MAML3: variants seen among roughly 807,000 people sequenced by gnomAD.
The protein encoded by MAML3 is mastermind-like protein 3.
In MAML3, 27 loss-of-function variants were observed where a neutral mutation model predicts 101.9. The observed-to-expected ratio is 0.27, with a 90% confidence interval of 0.20 to 0.37. MAML3 has a LOEUF of 0.37. Among genes scored for constraint, MAML3 ranks in the 10% least tolerant of loss-of-function variants. The probability of loss-of-function intolerance (pLI) is 1.00; values close to 1 mark genes in which losing one functional copy is unlikely to be tolerated. For synonymous variants in MAML3, 501 were observed against 555.9 expected, an observed-to-expected ratio of 0.90 and a Z score of 1.39; for missense variants, 1,316 against 1,444.9, an observed-to-expected ratio of 0.91 and a Z score of 1.45.
intron 1 of MAML3, among the ~76,000 whole-genome samples, chr4:140,043,344 T>C (rs1408169987): frequency 2.0e-5 from 3 of 152,224 alleles, no homozygotes; most frequent in African/African-American, 7.2e-5. Flanking sequence ...TCAATCTGTT[T>C]TCCTATATTT....
At chr4:140,152,808 A>ACCC in intron 1 of MAML3, 52 bp downstream of exon 1, 2 of 1,466,236 alleles carry the variant, frequency 1.4e-6, no homozygotes, top group Admixed American at 2.0e-5. Context: ...GCCCCCCACC[A>ACCC]CCACCACCAC....
intron 2 of MAML3, among the ~76,000 whole-genome samples, chr4:139,745,611 TCTC>T (rs1297933182): frequency 3.3e-5 from 5 of 152,154 alleles, no homozygotes; most frequent in African/African-American, 1.2e-4. Context: ...CCCACTCATT[TCTC>T]TTCTCTATTA....
intron 1 of MAML3, among the ~76,000 whole-genome samples, chr4:140,143,896 A>G (rs753225283): frequency 6.6e-6 from 1 of 152,192 alleles, no homozygotes; most frequent in Non-Finnish European, 1.5e-5. Context: ...ACTTCTTCCC[A>G]GGCATCCTTC....
intron 1 of MAML3, among the ~76,000 whole-genome samples, chr4:139,972,810 AAAAT>A (rs1471701462): frequency 1.3e-5 from 2 of 152,272 alleles, no homozygotes; most frequent in African/African-American, 4.8e-5. Context: ...CTTAAGTATG[AAAAT>A]AAATGAATGA....
At chr4:139,798,296 C>T (rs937693191) in intron 2 of MAML3, among the ~76,000 whole-genome samples, 2 of 152,178 alleles carry the variant, frequency 1.3e-5, no homozygotes, top group Non-Finnish European at 1.5e-5. Flanking sequence ...CCATATGAAA[C>T]TGCTATTTTT....
chr4:140,073,737 T>C lies in MAML3; in HGVS notation c.468+79123A>G, dbSNP rs537672381. ...ATATGTTGCTTTTTGCAACTCATTTTAGTGCCTTGATTGGAAAGTTCTGAG... is the reference window on the plus strand; with the variant it reads ...ATATGTTGCTTTTTGCAACTCATTTCAGTGCCTTGATTGGAAAGTTCTGAG... On this transcript the variant is annotated intron_variant, in intron 1 of 4. Transcript: ENST00000509479. Among the ~76,000 whole-genome samples the C allele has an allele frequency of 6.2e-4, 94 of 152,208 alleles. 1 individual carries two copies. Among genetic ancestry groups the C allele is most frequent in the Non-Finnish European group, 9.6e-4 (65 of 68,044 alleles).
At chr4:140,098,246 G>C (rs1277222377) in intron 1 of MAML3, among the ~76,000 whole-genome samples, 2 of 152,164 alleles carry the variant, frequency 1.3e-5, no homozygotes, top group East Asian at 3.9e-4. Context: ...AAAGGGCAAA[G>C]GTTTTTTGAA....
intron 2 of MAML3, among the ~76,000 whole-genome samples, chr4:139,837,662 G>A (rs557629089): frequency 3.9e-5 from 6 of 152,168 alleles, no homozygotes; most frequent in Admixed American, 2.0e-4. Context: ...GCTCATGCCC[G>A]TAATCCCAGC....
At chr4:140,097,957 A>C (rs1436151718) in intron 1 of MAML3, among the ~76,000 whole-genome samples, 3 of 152,240 alleles carry the variant, frequency 2.0e-5, no homozygotes, top group African/African-American at 4.8e-5. Context: ...CCTGTCTTGA[A>C]AAGAGCATTT....
intron 2 of MAML3, among the ~76,000 whole-genome samples, chr4:139,833,890 G>C (rs918392754): frequency 1.3e-5 from 2 of 152,008 alleles, no homozygotes; most frequent in African/African-American, 2.4e-5. Context: ...TTAGCAGAAA[G>C]CCTCTTTAAT....
chr4:140,132,306 C>T (rs766061495), intron 1 of MAML3, among the ~76,000 whole-genome samples: 9 of 152,224 alleles, frequency 5.9e-5, no homozygotes, highest in Admixed American at 3.3e-4. Context: ...AGTGTGTTGA[C>T]ACTCGTTGCA....
At chr4:139,743,620 A>G (rs183212682) in intron 2 of MAML3, among the ~76,000 whole-genome samples, 43 of 152,282 alleles carry the variant, frequency 2.8e-4, no homozygotes, top group African/African-American at 1.0e-3. Flanking sequence ...AAACCTGGAA[A>G]CTGAACTTGA....
At chr4:139,914,136 C>T (rs2111226867) in intron 1 of MAML3, among the ~76,000 whole-genome samples, 1 of 152,236 alleles carries the variant, frequency 6.6e-6, no homozygotes, top group African/African-American at 2.4e-5. Flanking sequence ...AAAAGTATCA[C>T]AGTTCCAAAA....
chr4:140,003,424 G>C (rs1726370169), intron 1 of MAML3, among the ~76,000 whole-genome samples: 1 of 152,090 alleles, frequency 6.6e-6, no homozygotes, highest in Non-Finnish European at 1.5e-5. Flanking sequence ...TAGTATTGGG[G>C]GGTAATAGGC....
At chr4:139,925,294 A>G (rs1309482040) in intron 1 of MAML3, among the ~76,000 whole-genome samples, 1 of 152,088 alleles carries the variant, frequency 6.6e-6, no homozygotes, top group Non-Finnish European at 1.5e-5. Flanking sequence ...CAGTGGTGCA[A>G]TCTCATCTCA....
chr4:139,829,252 AAAAG>A (rs1389570784), intron 2 of MAML3, among the ~76,000 whole-genome samples: 2 of 151,992 alleles, frequency 1.3e-5, no homozygotes, highest in Non-Finnish European at 2.9e-5. Flanking sequence ...GAAGGAAGGA[AAAAG>A]AAAGGAAGAA....
intron 2 of MAML3, among the ~76,000 whole-genome samples, chr4:139,755,435 C>A (rs537420719): frequency 6.6e-6 from 1 of 152,174 alleles, no homozygotes. Context: ...GGTGAAACCC[C>A]GTCTCTACTA....
intron 1 of MAML3, among the ~76,000 whole-genome samples, chr4:140,137,209 C>T (rs1195102708): frequency 6.6e-6 from 1 of 151,992 alleles, no homozygotes; most frequent in African/African-American, 2.4e-5. Flanking sequence ...AAGATGGTCT[C>T]GATCTCCTGA....
In MAML3 at chr4:140,105,906, C is replaced by T. The variant is rs372709799; in HGVS notation, c.468+46954G>A. 2.5e-4 allele frequency among the ~76,000 whole-genome samples: 38 copies of T among 152,040 alleles called. No homozygotes were observed. In the South Asian group the frequency reaches 5.4e-3, roughly 22 times the overall value. On this transcript the variant is annotated intron_variant, in intron 1 of 4. Coordinates refer to ENST00000509479, the MANE Select transcript of MAML3 (RefSeq NM_018717.5). ...TCCTTAAAAAAATTATAGCTGAATG[C>T]GAGGTGGCTATAGCTTTCCAAATTC...
Sources: gnomAD v4.1 joint callset for allele counts (sites outside exome capture counted in the v4.1 genomes callset) on GRCh38, gnomAD v4.1.1 for gene constraint, MANE v1.5 for transcripts, NCBI Gene and HGNC (gene_info 2026-07-23, HGNC 2026-07-21) for gene names.